KAT6B: variants seen among roughly 807,000 people sequenced by gnomAD.
The protein encoded by KAT6B is histone acetyltransferase KAT6B.
In KAT6B, 10 loss-of-function variants were observed where a neutral mutation model predicts 187.5. That is an observed-to-expected ratio of 0.05 (90% CI 0.03 to 0.09). The LOEUF is 0.09. Among genes scored for constraint, KAT6B ranks in the 10% least tolerant of loss-of-function variants. KAT6B has a pLI of 1.00. For missense variants in KAT6B, 1,952 were observed against 2,558.9 expected (o/e 0.76, Z 5.12); for synonymous variants, 861 against 926.8 (o/e 0.93, Z 1.29).
rs2133725895 is a variant in KAT6B, at chr10:74,975,874, G to T, written c.1537G>T (p.Ala513Ser). The T allele has an allele frequency of 6.2e-7, 1 of 1,614,038 alleles. No individual in the cohort carries two copies. Among genetic ancestry groups the T allele is most frequent in the African/African-American group, 1.3e-5 (1 of 74,988 alleles). ...CCCCAGTTCACAAAAGTCCAGCACG[G>T]CCACTTCTTCTCCCTCTCCCCAGAG... The part of the protein sequence containing the change: ...QSPSSQKSST[A>S]TSSPSPQSSS... Residue 513 changes from alanine (A) to serine (S), a missense_variant, in exon 8 of 18, where the codon GCC (alanine) becomes TCC (serine). Physicochemically the swap from Ala to Ser is moderately conservative, Grantham distance 99. Around this residue, in one of 9 missense-constraint regions of KAT6B, gnomAD observed 417 missense variants for 508.9 expected, o/e 0.82. Transcript: ENST00000287239.
At chr10:74,984,138 T>C (rs1398851439) in intron 11 of KAT6B, 4 of 152,234 alleles carry the variant, frequency 2.6e-5, no homozygotes, top group African/African-American at 7.2e-5. Context: ...CTGTGCCCAT[T>C]GCCCATATTT....
In KAT6B at chr10:75,030,257, G is replaced by A. The variant is rs201084874; in HGVS notation, c.5433G>A (p.Pro1811=). Residue 1811 remains proline (P), a synonymous_variant, in exon 18 of 18, where the codon CCG becomes CCA. Transcript: ENST00000287239. The surrounding 1 kb of genome is among the most constrained non-coding windows in gnomAD (Gnocchi z 4.8). ...TTGGGGCTGGGCATTACCCGCAGCCGTCAGCCACCTTCAGCCTTGCCAAAC... is the reference window on the plus strand; with the variant it reads ...TTGGGGCTGGGCATTACCCGCAGCCATCAGCCACCTTCAGCCTTGCCAAAC... ...SDFGAGHYPQ[P]SATFSLAKLQ... 4.6e-5 allele frequency: 74 copies of A among 1,614,214 alleles called. No individual in the cohort carries two copies. The highest frequency in any genetic ancestry group is 1.6e-4 in the Middle Eastern group (1 of 6,062).
At chr10:75,012,344 G>A (rs972166660) in intron 13 of KAT6B, among the ~76,000 whole-genome samples, 1 of 152,208 alleles carries the variant, frequency 6.6e-6, no homozygotes, top group Non-Finnish European at 1.5e-5. Flanking sequence ...CTACTCGGGA[G>A]GCTGAGGTGG....
intron 10 of KAT6B, among the ~76,000 whole-genome samples, chr10:74,979,653 A>G (rs979790324): frequency 1.3e-5 from 2 of 151,470 alleles, no homozygotes; most frequent in Non-Finnish European, 1.5e-5. Flanking sequence ...AAAAAAAGAA[A>G]TTTGCCATGG....
chr10:74,949,271 A>T (rs1274784386), intron 3 of KAT6B, among the ~76,000 whole-genome samples: 2 of 152,144 alleles, frequency 1.3e-5, no homozygotes, highest in Non-Finnish European at 2.9e-5. Context: ...TAAATCCAAT[A>T]CCTGCAGTTT....
At chr10:74,827,396 TG>T (rs1840349963) in intron 1 of KAT6B, 2 of 149,974 alleles carry the variant, frequency 1.3e-5, no homozygotes, top group South Asian at 4.2e-4. Context: ...TTGAGGGGTT[TG>T]GGGAGGCATT....
intron 10 of KAT6B, among the ~76,000 whole-genome samples, chr10:74,980,083 C>CA (rs1173821643): frequency 6.6e-6 from 1 of 152,196 alleles, no homozygotes; most frequent in African/African-American, 2.4e-5. Context: ...CACTGGAACC[C>CA]AGGAGGTGGA....
chr10:74,987,064 T>C (rs1842852742), intron 12 of KAT6B, among the ~76,000 whole-genome samples: 1 of 152,224 alleles, frequency 6.6e-6, no homozygotes. Flanking sequence ...GCTGCTGTTA[T>C]TTCCTACTAT....
intron 3 of KAT6B, among the ~76,000 whole-genome samples, chr10:74,855,123 T>G (rs1842732783): frequency 6.6e-6 from 1 of 152,210 alleles, no homozygotes; most frequent in South Asian, 2.1e-4. Flanking sequence ...CTTCCACAAT[T>G]CAAGGGAAGG....
intron 3 of KAT6B, among the ~76,000 whole-genome samples, chr10:74,925,792 CT>C (rs563074077): frequency 1.1e-3 from 163 of 152,248 alleles, no homozygotes; most frequent in African/African-American, 3.3e-3. Flanking sequence ...ACTGGGAATT[CT>C]TTTATAATAC....
chr10:74,942,757 C>A (rs1195927422), intron 3 of KAT6B, among the ~76,000 whole-genome samples: 1 of 96,554 alleles, frequency 1.0e-5, no homozygotes, highest in Non-Finnish European at 1.8e-5. Context: ...AAGAGCGAAA[C>A]TCCATCGCAA....
intron 3 of KAT6B, among the ~76,000 whole-genome samples, chr10:74,952,555 A>G (rs1262591935): frequency 6.6e-6 from 1 of 152,172 alleles, no homozygotes; most frequent in African/African-American, 2.4e-5. Context: ...GTGACCTTAG[A>G]GAGGTGGCCT....
At chr10:74,876,504 A>G (rs1365799586) in intron 3 of KAT6B, among the ~76,000 whole-genome samples, 1 of 152,176 alleles carries the variant, frequency 6.6e-6, no homozygotes, top group Non-Finnish European at 1.5e-5. Flanking sequence ...TTATTTCTCA[A>G]TTTAAGTAGG....
At chr10:75,003,146 A>G (rs1369124589) in intron 13 of KAT6B, 2 of 152,198 alleles carry the variant, frequency 1.3e-5, no homozygotes, top group Admixed American at 6.5e-5. Context: ...TTTCAGTTGC[A>G]TCAGAAAGAA....
chr10:74,894,370 C>A (rs529475730), intron 3 of KAT6B, among the ~76,000 whole-genome samples: 6 of 152,348 alleles, frequency 3.9e-5, no homozygotes, highest in Admixed American at 2.0e-4. Context: ...GCATGAGCCA[C>A]CGTGCTCGGC....
In KAT6B at chr10:74,981,939, G is replaced by A. The variant is rs1202066832; in HGVS notation, c.2373+11G>A. 15 of 1,613,114 alleles carry A rather than the reference G, an allele frequency of 9.3e-6. No individual in the cohort carries two copies. Among genetic ancestry groups the A allele is most frequent in the Non-Finnish European group, 1.3e-5 (15 of 1,179,426 alleles). On this transcript the variant is annotated intron_variant, in intron 11 of 17. Transcript: ENST00000287239. ...CTTTCAGTATTTGAGGTAAGCGCGTGTAAATAAAAAAATTCAGCTTTTTGA... is the reference window on the plus strand; with the variant it reads ...CTTTCAGTATTTGAGGTAAGCGCGTATAAATAAAAAAATTCAGCTTTTTGA...
At chr10:74,932,503 T>G (rs1490867685) in intron 3 of KAT6B, among the ~76,000 whole-genome samples, 1 of 152,168 alleles carries the variant, frequency 6.6e-6, no homozygotes. Context: ...TCAGAAAATT[T>G]TTGTAACAAG....
At position 74,960,021 on chromosome 10, in the gene KAT6B, T is replaced by C; in HGVS notation, c.673T>C (p.Ser225Pro). 1 of 1,613,836 alleles carries C rather than the reference T, an allele frequency of 6.2e-7. No homozygotes were observed. Among genetic ancestry groups the C allele is most frequent in the Non-Finnish European group, 8.5e-7 (1 of 1,179,768 alleles). The stretch of plus-strand genomic sequence containing the variant: ...TAGCTTCTGTTTGGGGACTAAAGAA[T>C]CAAATCGTGAAAAGAAACCAGAAGA... Reference protein sequence around the residue: ...ICSFCLGTKESNREKKPEELL... With the variant: ...ICSFCLGTKEPNREKKPEELL... The change falls in exon 4 of 18, where the codon TCA (serine) becomes CCA (proline). Residue 225 changes from serine (S) to proline (P), a missense_variant. Ser to Pro is a moderately conservative substitution (Grantham distance 74, BLOSUM62 -1). Transcript: ENST00000287239.
chr10:74,876,290 C>T (rs982555093), intron 3 of KAT6B, among the ~76,000 whole-genome samples: 1 of 152,092 alleles, frequency 6.6e-6, no homozygotes, highest in African/African-American at 2.4e-5. Context: ...GCACATCTCT[C>T]CTATGTGGGG....
Sources: gnomAD v4.1 joint callset for allele counts (sites outside exome capture counted in the v4.1 genomes callset) on GRCh38, gnomAD v4.1.1 for gene constraint, gnomAD v4.1.1 regional missense constraint, Gnocchi (gnomAD v3.1) non-coding constraint, MANE v1.5 for transcripts, NCBI Gene and HGNC (gene_info 2026-07-23, HGNC 2026-07-21) for gene names.